The following PPM1H variants were observed in gnomAD, a reference collection of about 807,000 sequenced individuals.
PPM1H encodes the protein protein phosphatase, Mg2+/Mn2+ dependent 1H, also known as protein phosphatase 1H.
PPM1H carries 27 observed loss-of-function variants against 54.9 expected under a neutral mutation model. That is an observed-to-expected ratio of 0.49 (90% confidence interval 0.36 to 0.68). PPM1H has a LOEUF of 0.68. Ranked by LOEUF, PPM1H falls within the 30% of genes least tolerant of loss-of-function variation. The pLI is 0.00. For missense variants in PPM1H, 596 were observed against 667.8 expected, an observed-to-expected ratio of 0.89 and a Z score of 1.19; for synonymous variants, 305 against 270.8, an observed-to-expected ratio of 1.13 and a Z score of -1.24.
chr12:62,828,989 C>T (rs1055850569), intron 2 of PPM1H, among the ~76,000 whole-genome samples: 7 of 152,016 alleles, frequency 4.6e-5, no homozygotes, highest in Admixed American at 1.3e-4. Flanking sequence ...AGGAACCCCT[C>T]TCCATTGTTG....
At chr12:62,734,145 T>C (rs1364980337) in intron 5 of PPM1H, among the ~76,000 whole-genome samples, 1 of 151,796 alleles carries the variant, frequency 6.6e-6, no homozygotes, top group East Asian at 1.9e-4. Flanking sequence ...TTTTTTTTTT[T>C]TTTAAAGAAA....
At chr12:62,674,534 C>G (rs1250207783) in intron 8 of PPM1H, among the ~76,000 whole-genome samples, 1 of 152,128 alleles carries the variant, frequency 6.6e-6, no homozygotes, top group Non-Finnish European at 1.5e-5. Context: ...AGCAGGCCAC[C>G]AAGACTATAC....
intron 3 of PPM1H, among the ~76,000 whole-genome samples, chr12:62,791,860 G>GT (rs772408228): frequency 4.6e-5 from 7 of 152,150 alleles, no homozygotes; most frequent in Non-Finnish European, 7.4e-5. Context: ...GGAGCCGGAG[G>GT]TTGCAGTGAG....
At chr12:62,735,958 T>C (rs1388480704) in intron 5 of PPM1H, among the ~76,000 whole-genome samples, 1 of 152,070 alleles carries the variant, frequency 6.6e-6, no homozygotes, top group East Asian at 1.9e-4. Flanking sequence ...GCAGTGGTGG[T>C]GGTGGCAACA....
intron 6 of PPM1H, among the ~76,000 whole-genome samples, chr12:62,707,171 T>C (rs1444388898): frequency 2.0e-5 from 3 of 152,208 alleles, no homozygotes; most frequent in East Asian, 3.8e-4. Context: ...CTGGGCAGCA[T>C]GGTCTCCTGA....
intron 8 of PPM1H, among the ~76,000 whole-genome samples, chr12:62,677,121 G>C (rs2075991988): frequency 6.6e-6 from 1 of 152,134 alleles, no homozygotes; most frequent in Non-Finnish European, 1.5e-5. Flanking sequence ...CATCTCCACT[G>C]AGGGCTGCAC....
intron 5 of PPM1H, among the ~76,000 whole-genome samples, chr12:62,735,511 C>G (rs185116932): frequency 6.6e-6 from 1 of 152,180 alleles, no homozygotes; most frequent in African/African-American, 2.4e-5. Context: ...AGCCACCGTG[C>G]CCAGCCTGTT....
intron 1 of PPM1H, among the ~76,000 whole-genome samples, chr12:62,903,002 T>A (rs1284527027): frequency 6.6e-6 from 1 of 152,138 alleles, no homozygotes; most frequent in East Asian, 1.9e-4. Context: ...TTTTACAAGG[T>A]ACTAAGGTAG....
intron 3 of PPM1H, among the ~76,000 whole-genome samples, chr12:62,801,395 G>T (rs1211794226): frequency 2.0e-5 from 3 of 151,842 alleles, no homozygotes; most frequent in Non-Finnish European, 2.9e-5. Context: ...TTGGCTCACT[G>T]CAATCTCTGT....
At chr12:62,909,817 C>T (rs1473283479) in intron 1 of PPM1H, among the ~76,000 whole-genome samples, 1 of 152,244 alleles carries the variant, frequency 6.6e-6, no homozygotes, top group East Asian at 1.9e-4. Flanking sequence ...GCACTTAAAA[C>T]ATCACCTTCG....
chr12:62,844,116 A>G lies in PPM1H; in HGVS notation c.246-11837T>C, dbSNP rs1215771434. ...CGAGATTCAGAAATTATGATTAAGC[A>G]TCGAGTTTATTCCAGCGCAGTGCAA... On this transcript the variant is annotated intron_variant, in intron 1 of 9. Transcript: ENST00000228705. The surrounding 1 kb of genome is among the most constrained non-coding windows in gnomAD (Gnocchi z 5.2). Among the ~76,000 whole-genome samples, 1 of 152,246 alleles carries G rather than the reference A, an allele frequency of 6.6e-6. No homozygotes were observed. Among genetic ancestry groups the G allele is most frequent in the African/African-American group, 2.4e-5 (1 of 41,468 alleles).
intron 2 of PPM1H, among the ~76,000 whole-genome samples, chr12:62,829,334 G>T (rs1448617294): frequency 1.3e-5 from 2 of 152,172 alleles, no homozygotes; most frequent in Non-Finnish European, 2.9e-5. Flanking sequence ...GAAATAGAAT[G>T]GTGGGCACCA....
At chr12:62,792,843 G>C (rs142017704) in intron 3 of PPM1H, among the ~76,000 whole-genome samples, 183 of 152,220 alleles carry the variant, frequency 1.2e-3, no homozygotes, top group African/African-American at 4.1e-3. Flanking sequence ...CATCTGGGTG[G>C]TTCTTTTACT....
At chr12:62,760,720 T>C (rs1279747802) in intron 4 of PPM1H, among the ~76,000 whole-genome samples, 1 of 152,210 alleles carries the variant, frequency 6.6e-6, no homozygotes, top group Non-Finnish European at 1.5e-5. Context: ...TCTAACTCTG[T>C]CCTACAATTT....
chr12:62,893,122 T>C (rs952149460), intron 1 of PPM1H, among the ~76,000 whole-genome samples: 2 of 152,220 alleles, frequency 1.3e-5, no homozygotes, highest in Admixed American at 6.5e-5. Flanking sequence ...AGCTTTCATA[T>C]TTTAAAAGAG....
intron 4 of PPM1H, 34 bp from the exon 5 acceptor site, chr12:62,737,620 T>C: frequency 7.3e-7 from 1 of 1,372,414 alleles, no homozygotes; most frequent in Non-Finnish European, 1.0e-6. Context: ...CAGTAGCCAA[T>C]CTCATAAATG....
intron 9 of PPM1H, chr12:62,659,375 A>AAG: frequency 4.6e-6 from 2 of 431,760 alleles, no homozygotes; most frequent in Non-Finnish European, 8.5e-6. Flanking sequence ...GACAGTTCAA[A>AAG]AGAGCAAAAG....
intron 2 of PPM1H, among the ~76,000 whole-genome samples, chr12:62,818,102 C>CA (rs1005003334): frequency 2.0e-5 from 3 of 152,082 alleles, no homozygotes; most frequent in South Asian, 2.1e-4. Flanking sequence ...CAGACGTGGG[C>CA]AAAAAAATTT....
chr12:62,652,020 A>T (rs929805029), intron 9 of PPM1H, among the ~76,000 whole-genome samples: 7 of 152,192 alleles, frequency 4.6e-5, no homozygotes, highest in Admixed American at 3.9e-4. Flanking sequence ...TGTAGGCCCT[A>T]ACTAAGACTT....
Sources: gnomAD v4.1 joint callset for allele counts (sites outside exome capture counted in the v4.1 genomes callset) on GRCh38, gnomAD v4.1.1 for gene constraint, Gnocchi (gnomAD v3.1) non-coding constraint, MANE v1.5 for transcripts, NCBI Gene and HGNC (gene_info 2026-07-23, HGNC 2026-07-21) for gene names.